The following BAZ2B variants were observed in gnomAD, a reference collection of about 807,000 sequenced individuals.
The protein encoded by BAZ2B is bromodomain adjacent to zinc finger domain 2B.
Under a neutral mutation model 246.0 loss-of-function variants are expected in BAZ2B, and 91 were observed. The observed-to-expected ratio is 0.37, with a 90% CI of 0.31 to 0.44. The LOEUF (loss-of-function observed/expected upper bound fraction) is 0.44. BAZ2B is among the 20% of genes least tolerant of loss of function. The probability of loss-of-function intolerance (pLI) is 1.00; values close to 1 mark genes in which losing one functional copy is unlikely to be tolerated. For synonymous variants in BAZ2B, 855 were observed against 860.0 expected (o/e 0.99, Z 0.10); for missense variants, 2,332 against 2,533.7 (o/e 0.92, Z 1.71).
chr2:159,389,559 C>G lies in BAZ2B; in HGVS notation c.3076-74G>C, dbSNP rs767143513. 6.2e-6 allele frequency: 8 copies of G among 1,285,840 alleles called. No individual in the cohort carries two copies. In the African/African-American group the frequency reaches 1.2e-4, roughly 20 times the overall value. The allele number at this position is 1,285,840 out of a possible 1,614,324, so 79.7% of individuals were successfully genotyped here. A position where few individuals can be genotyped will look rare whatever the true frequency, so the allele number is the denominator to read the frequency against. ...TTGGAATAAACTTAGAATTATGTAG[C>G]AACATTGAATTATTTTGCTTTTCAT... On this transcript the variant is annotated intron_variant, in intron 20 of 36. Transcript: ENST00000392783.
In BAZ2B at chr2:159,347,623, T is replaced by C. The variant is rs1260180550; in HGVS notation, c.5317A>G (p.Asn1773Asp). 6.2e-7 allele frequency: 1 copy of C among 1,610,396 alleles called. No homozygotes were observed. The highest frequency in any genetic ancestry group is 8.5e-7 in the Non-Finnish European group (1 of 1,177,682). ...TCTCGAGTTACTTGGTTTTCTTCAT[T>C]TTCATTCAGTTCAATAATAGCAACT... ...KDVAIIELNE[N>D]EENQVTRDIV... is the part of the protein sequence containing the mutation. Residue 1773 changes from asparagine to aspartate, a missense_variant, in exon 31 of 37, where the codon AAT becomes GAT. Asn to Asp is a conservative substitution (Grantham distance 23). This residue lies in a region of BAZ2B where 676 missense variants were observed against 668.6 expected (regional missense o/e 1.01). Coordinates refer to ENST00000392783, the MANE Select transcript of BAZ2B (RefSeq NM_013450.4).
At chr2:159,325,072 A>T (rs2063372068) in intron 35 of BAZ2B, 118 bp from the exon 36 acceptor site, 1 of 5,222 alleles carries the variant, frequency 1.9e-4, no homozygotes, top group African/African-American at 1.0e-3. Context: ...ATATATATAT[A>T]TATATTATAT....
the BAZ2B span, among the ~76,000 whole-genome samples, chr2:159,663,855 CTTT>C: frequency 4.1e-4 from 38 of 92,474 alleles, no homozygotes; most frequent in African/African-American, 1.1e-3. Flanking sequence ...AAACCATTTT[CTTT>C]TTTTTTTTTT....
chr2:159,331,725 T>C (rs929118421), intron 34 of BAZ2B, among the ~76,000 whole-genome samples: 2 of 152,176 alleles, frequency 1.3e-5, no homozygotes, highest in Non-Finnish European at 2.9e-5. Context: ...TATATTCAGA[T>C]ACAAAGGTAT....
At chr2:159,592,344 C>T (rs1348105373) in intron 1 of BAZ2B, among the ~76,000 whole-genome samples, 2 of 152,042 alleles carry the variant, frequency 1.3e-5, no homozygotes. Flanking sequence ...GAGACAGGGT[C>T]TTGCTATATT....
chr2:159,343,707 C>T (rs1289021505), intron 31 of BAZ2B, among the ~76,000 whole-genome samples: 1 of 152,066 alleles, frequency 6.6e-6, no homozygotes, highest in Non-Finnish European at 1.5e-5. Context: ...TATTATCTCA[C>T]CCCAGTTAGA....
At chr2:159,630,756 G>C in the BAZ2B span, among the ~76,000 whole-genome samples, 9 of 149,624 alleles carry the variant, frequency 6.0e-5, no homozygotes, top group African/African-American at 2.2e-4. Flanking sequence ...GGATGGTCTC[G>C]ATCTCCTGAC....
At chr2:159,667,646 G>T in the BAZ2B span, among the ~76,000 whole-genome samples, 1 of 146,108 alleles carries the variant, frequency 6.8e-6, no homozygotes, top group Non-Finnish European at 1.5e-5. Flanking sequence ...ATAAATAAAA[G>T]ACTCTCCATT....
chr2:159,519,675 T>TC (rs2083908721), intron 2 of BAZ2B, among the ~76,000 whole-genome samples: 1 of 140,348 alleles, frequency 7.1e-6, no homozygotes, highest in Non-Finnish European at 1.6e-5. Flanking sequence ...TTCTTCTTTT[T>TC]TTTTTTTTTT....
At chr2:159,508,599 G>C (rs1447491809) in intron 2 of BAZ2B, among the ~76,000 whole-genome samples, 1 of 117,860 alleles carries the variant, frequency 8.5e-6, no homozygotes, top group East Asian at 2.5e-4. Context: ...TGCCTCAGAG[G>C]TTTGCCAAAA....
intron 27 of BAZ2B, 47 bp downstream of exon 27, chr2:159,372,998 T>C: frequency 1.3e-6 from 2 of 1,540,588 alleles, no homozygotes; most frequent in Non-Finnish European, 1.8e-6. Context: ...AGTTTTAAAA[T>C]ATATAGTTTC....
At chr2:159,539,953 A>C (rs917207658) in intron 2 of BAZ2B, among the ~76,000 whole-genome samples, 1 of 152,036 alleles carries the variant, frequency 6.6e-6, no homozygotes, top group Non-Finnish European at 1.5e-5. Flanking sequence ...ACCTTCCCTG[A>C]CTGTTATATG....
At position 159,337,650 on chromosome 2, in the gene BAZ2B, T is replaced by C. The variant is rs778803757; in HGVS notation, c.5577A>G (p.Ala1859=). The change falls in exon 32 of 37, where the codon GCA becomes GCG. Residue 1859 remains alanine (A), a synonymous_variant. Coordinates refer to ENST00000392783, the MANE Select transcript of BAZ2B (RefSeq NM_013450.4). Reference sequence around the variant, plus strand: ...TGTCACTCTTCCGTTCTAGTGCATGTGCACTGCTTTCGTCTTCGCCAGTAA... The same window carrying C: ...TGTCACTCTTCCGTTCTAGTGCATGCGCACTGCTTTCGTCTTCGCCAGTAA... The part of the protein sequence containing the change: ...GEFTGEDESS[A]HALERKSDNP... The C allele has an allele frequency of 1.2e-6, 2 of 1,614,230 alleles. No individual in the cohort carries two copies. Among genetic ancestry groups the C allele is most frequent in the Non-Finnish European group, 1.7e-6 (2 of 1,180,032 alleles).
chr2:159,577,309 A>C (rs1685582323), intron 1 of BAZ2B, among the ~76,000 whole-genome samples: 1 of 152,182 alleles, frequency 6.6e-6, no homozygotes. Context: ...GTAGAGTATG[A>C]CCTTATTTTT....
Position 159,431,110 on chromosome 2 carries a change from T to C in BAZ2B, c.1947A>G (p.Glu649=), listed in dbSNP as rs573635127. The change falls in exon 10 of 37, where the codon GAA becomes GAG. Residue 649 remains glutamate, a synonymous_variant. Transcript: ENST00000392783. ...SESDTEGSEE[E]DDDDKDQDES... Reference sequence around the variant, plus strand: ...CATCTTGGTCTTTATCATCATCATCTTCTTCTTCTGATCCTTCTGTATCTG... The same window carrying C: ...CATCTTGGTCTTTATCATCATCATCCTCTTCTTCTGATCCTTCTGTATCTG... The C allele has an allele frequency of 6.2e-7, 1 of 1,611,910 alleles. No homozygotes were observed. Among genetic ancestry groups the C allele is most frequent in the Non-Finnish European group, 8.5e-7 (1 of 1,178,082 alleles).
At chr2:159,429,316 T>C (rs2070637558) in intron 10 of BAZ2B, 56 bp from the exon 11 acceptor site, 13 of 1,063,884 alleles carry the variant, frequency 1.2e-5, no homozygotes, top group Non-Finnish European at 1.4e-5. Context: ...AATAATAATA[T>C]TGATAGTTTA....
the BAZ2B span, among the ~76,000 whole-genome samples, chr2:159,667,908 C>A: frequency 1.3e-5 from 2 of 152,064 alleles, no homozygotes; most frequent in East Asian, 3.9e-4. Flanking sequence ...ATCAGCTTTT[C>A]AGGTTCTCTC....
At chr2:159,647,281 T>G in the BAZ2B span, among the ~76,000 whole-genome samples, 1 of 152,154 alleles carries the variant, frequency 6.6e-6, no homozygotes, top group East Asian at 1.9e-4. Flanking sequence ...ATAGTTTAAG[T>G]CTGAAAGCTG....
Position 159,405,069 on chromosome 2 carries a change from T to A in BAZ2B, c.2723A>T (p.Gln908Leu). The A allele has an allele frequency of 6.2e-7, 1 of 1,614,154 alleles. No individual in the cohort carries two copies. The highest frequency in any genetic ancestry group is 8.5e-7 in the Non-Finnish European group (1 of 1,179,986). Reference sequence around the variant, plus strand: ...AGCAACCCGAGCCTGTTCCTGCTTTTGAAGTTTTCTCAAAAGCTTTATTTG... The same window carrying A: ...AGCAACCCGAGCCTGTTCCTGCTTTAGAAGTTTTCTCAAAAGCTTTATTTG... Reference protein sequence around the residue: ...AAQIKLLRKLQKQEQARVAKE... With the variant: ...AAQIKLLRKLLKQEQARVAKE... The change falls in exon 15 of 37, where the codon CAA becomes CTA. Residue 908 changes from glutamine (Q) to leucine (L), a missense_variant. This residue lies in a region of BAZ2B where 651 missense variants were observed against 650.9 expected (regional missense o/e 1.00). Coordinates refer to ENST00000392783, the MANE Select transcript of BAZ2B (RefSeq NM_013450.4).
Sources: gnomAD v4.1 joint callset for allele counts (sites outside exome capture counted in the v4.1 genomes callset) on GRCh38, gnomAD v4.1.1 for gene constraint, gnomAD v4.1.1 regional missense constraint, MANE v1.5 for transcripts, NCBI Gene and HGNC (gene_info 2026-07-23, HGNC 2026-07-21) for gene names.